CCBE1: variants seen among roughly 807,000 people sequenced by gnomAD.
CCBE1 encodes collagen and calcium binding EGF domains 1.
A neutral mutation model predicts 50.0 loss-of-function variants in CCBE1; 37 were observed. The ratio of observed to expected loss-of-function variants is 0.74; its 90% CI spans 0.57 to 0.97. The LOEUF is 0.97. CCBE1 is among the 50% of genes least tolerant of loss of function. CCBE1 has a pLI of 0.00. For missense variants in CCBE1, 538 were observed against 523.8 expected (o/e 1.03, Z -0.26); for synonymous variants, 234 against 203.7 (o/e 1.15, Z -1.27).
intron 2 of CCBE1, among the ~76,000 whole-genome samples, chr18:59,574,951 A>T (rs1453864671): frequency 6.6e-6 from 1 of 152,210 alleles, no homozygotes; most frequent in Admixed American, 6.5e-5. Context: ...GTCATACTGA[A>T]GAAGGGTGGG....
At chr18:59,595,224 C>CTT (rs34017366) in intron 2 of CCBE1, among the ~76,000 whole-genome samples, 6 of 140,616 alleles carry the variant, frequency 4.3e-5, no homozygotes, top group Non-Finnish European at 7.8e-5. Flanking sequence ...CTGTTTTTTG[C>CTT]TTTTTTTTTT....
intron 2 of CCBE1, among the ~76,000 whole-genome samples, chr18:59,692,727 C>A (rs1422137412): frequency 6.6e-6 from 1 of 152,148 alleles, no homozygotes; most frequent in Non-Finnish European, 1.5e-5. Context: ...TGTTTTACAT[C>A]CCCCATGTCA....
intron 2 of CCBE1, among the ~76,000 whole-genome samples, chr18:59,496,410 G>A (rs113068055): frequency 7.9e-5 from 12 of 152,282 alleles, no homozygotes; most frequent in African/African-American, 2.9e-4. Context: ...ATAAAAATAA[G>A]TGTCATAATT....
intron 2 of CCBE1, among the ~76,000 whole-genome samples, chr18:59,598,014 A>G (rs1473556434): frequency 6.6e-6 from 1 of 152,252 alleles, no homozygotes; most frequent in Non-Finnish European, 1.5e-5. Context: ...AAAGGAAACT[A>G]GAGACAGAAA....
intron 2 of CCBE1, among the ~76,000 whole-genome samples, chr18:59,658,356 T>A (rs4347729): frequency 0.27 from 721 of 2,628 alleles, 93 homozygotes; most frequent in East Asian, 0.51. Context: ...AAAAAAAAAA[T>A]ATATATATAT....
rs531745922 is a variant in CCBE1 at position 59,495,077 on chromosome 18, G to T, written c.213-14839C>A. Among the ~76,000 whole-genome samples the T allele has an allele frequency of 3.0e-4, 46 of 151,346 alleles. No individual in the cohort carries two copies. The East Asian group carries it at 5.1e-3, about 17-fold the overall frequency. Reference sequence around the variant, plus strand: ...AATTGCTTGAAACTGGGAGGCGAAGGTTGCAGTGAGCCCGAGATCACACCA... The same window carrying T: ...AATTGCTTGAAACTGGGAGGCGAAGTTTGCAGTGAGCCCGAGATCACACCA... On this transcript the variant is annotated intron_variant, in intron 2 of 10. Coordinates refer to ENST00000439986, the MANE Select transcript of CCBE1 (RefSeq NM_133459.4).
intron 2 of CCBE1, among the ~76,000 whole-genome samples, chr18:59,634,196 A>C (rs1263956970): frequency 6.6e-6 from 1 of 152,238 alleles, no homozygotes; most frequent in Non-Finnish European, 1.5e-5. Context: ...ACTCTTAATG[A>C]AACAATGGCT....
At chr18:59,661,505 A>G (rs1271845976) in intron 2 of CCBE1, among the ~76,000 whole-genome samples, 2 of 152,116 alleles carry the variant, frequency 1.3e-5, no homozygotes, top group East Asian at 3.9e-4. Flanking sequence ...AATCCTCATT[A>G]CTCAGGTAGT....
At chr18:59,518,701 C>G (rs1186417024) in intron 2 of CCBE1, among the ~76,000 whole-genome samples, 1 of 152,176 alleles carries the variant, frequency 6.6e-6, no homozygotes, top group African/African-American at 2.4e-5. Flanking sequence ...CTATTGGGAA[C>G]CCACCCACAT....
rs531632418 is a variant in CCBE1, at chr18:59,469,345, T to C, written c.400+128A>G. ...ATTGTGATGAAGGGCAGTGATAAGC[T>C]ATCCCTAGGATAATATCAAACACAA... is the stretch of plus-strand genomic sequence containing the variant. On this transcript the variant is annotated intron_variant, in intron 4 of 10. Transcript: ENST00000439986. The C allele has an allele frequency of 6.2e-5, 79 of 1,269,836 alleles. No homozygotes were observed. In the African/African-American group the frequency reaches 8.8e-4, roughly 14 times the overall value. 78.7% of individuals were successfully genotyped at this position (1,269,836 alleles called of 1,614,324 possible).
chr18:59,528,060 C>A (rs1347639043), intron 2 of CCBE1, among the ~76,000 whole-genome samples: 1 of 152,118 alleles, frequency 6.6e-6, no homozygotes, highest in Non-Finnish European at 1.5e-5. Context: ...TGGATGATAT[C>A]CTGGAGTATG....
At chr18:59,625,429 T>TAAAAAAAAAAAAAAAA (rs2053768995) in intron 2 of CCBE1, among the ~76,000 whole-genome samples, 1 of 44,934 alleles carries the variant, frequency 2.2e-5, no homozygotes, top group African/African-American at 1.5e-4. Flanking sequence ...AGATTCTGTC[T>TAAAAAAAAAAAAAAAA]CAAAAAAAAA....
intron 2 of CCBE1, among the ~76,000 whole-genome samples, chr18:59,670,907 C>G (rs118189984): frequency 1.3e-5 from 2 of 152,050 alleles, no homozygotes; most frequent in African/African-American, 4.8e-5. Context: ...TAGATCACAC[C>G]GCTGCACTCC....
At chr18:59,513,105 C>T (rs761856895) in intron 2 of CCBE1, among the ~76,000 whole-genome samples, 13 of 152,112 alleles carry the variant, frequency 8.5e-5, no homozygotes, top group African/African-American at 2.9e-4. Flanking sequence ...GTCAGGAGCT[C>T]GAGACCAGCC....
intron 2 of CCBE1, among the ~76,000 whole-genome samples, chr18:59,616,741 C>T (rs1599067198): frequency 1.3e-5 from 2 of 152,320 alleles, no homozygotes; most frequent in Admixed American, 6.5e-5. Context: ...TTCCCAGAAA[C>T]GGATTCTTAA....
At chr18:59,599,374 T>G (rs545326543) in intron 2 of CCBE1, among the ~76,000 whole-genome samples, 22 of 152,338 alleles carry the variant, frequency 1.4e-4, no homozygotes, top group Admixed American at 1.2e-3. Flanking sequence ...ACATGCAGTT[T>G]GGAATCCATC....
intron 2 of CCBE1, among the ~76,000 whole-genome samples, chr18:59,558,584 A>G (rs912068268): frequency 2.0e-5 from 3 of 152,224 alleles, no homozygotes; most frequent in Non-Finnish European, 4.4e-5. Flanking sequence ...TGTAAAAGGT[A>G]TAACTGCCCT....
At chr18:59,605,083 G>A (rs777280044) in intron 2 of CCBE1, among the ~76,000 whole-genome samples, 64 of 152,312 alleles carry the variant, frequency 4.2e-4, no homozygotes, top group Non-Finnish European at 7.2e-4. Flanking sequence ...TGCAAAGGCT[G>A]GGAAAAGTGC....
At chr18:59,510,568 C>A (rs1914088461) in intron 2 of CCBE1, among the ~76,000 whole-genome samples, 1 of 151,974 alleles carries the variant, frequency 6.6e-6, no homozygotes, top group African/African-American at 2.4e-5. Flanking sequence ...ATTATAGGTG[C>A]CCGCCACCAC....
Sources: allele counts gnomAD v4.1 joint callset (sites outside exome capture counted in the v4.1 genomes callset), GRCh38; gene constraint gnomAD v4.1.1; transcripts MANE v1.5; gene names NCBI Gene and HGNC (gene_info 2026-07-23, HGNC 2026-07-21).